Variants in CDC25C observed in about 807,000 individuals in gnomAD.
CDC25C encodes the protein cell division cycle 25C, also known as M-phase inducer phosphatase 3.
A neutral mutation model predicts 52.5 loss-of-function variants in CDC25C; 48 were observed. That is an observed-to-expected ratio of 0.91 (90% CI 0.72 to 1.16). The LOEUF is 1.16. CDC25C is among the 50% of genes most tolerant of loss of function. The pLI, the probability that CDC25C is intolerant of heterozygous loss-of-function variation, is 0.00. For synonymous variants in CDC25C, 187 were observed against 206.5 expected (o/e 0.91, Z 0.81); for missense variants, 510 against 566.1 (o/e 0.90, Z 1.01).
intron 7 of CDC25C, among the ~76,000 whole-genome samples, chr5:138,296,205 G>A (rs149488508): frequency 2.6e-5 from 4 of 152,062 alleles, no homozygotes; most frequent in South Asian, 4.2e-4. Flanking sequence ...GGCTTTAATG[G>A]CACCTCCTAC....
At chr5:138,329,493 CCT>C (rs1277718580) in intron 3 of CDC25C, 58 bp downstream of exon 3, 6 of 1,055,036 alleles carry the variant, frequency 5.7e-6, no homozygotes, top group Non-Finnish European at 8.9e-6. Context: ...ATCCTCCTTC[CCT>C]GTTTTCTCCC....
At chr5:138,316,901 C>T (rs943934810) in intron 7 of CDC25C, among the ~76,000 whole-genome samples, 4 of 152,118 alleles carry the variant, frequency 2.6e-5, no homozygotes, top group African/African-American at 9.7e-5. Flanking sequence ...AGCTTCTCTT[C>T]GTCTTGCTAA....
At chr5:138,316,667 A>C (rs1301882984) in intron 7 of CDC25C, among the ~76,000 whole-genome samples, 1 of 152,166 alleles carries the variant, frequency 6.6e-6, no homozygotes, top group Non-Finnish European at 1.5e-5. Context: ...GCTCAGCCAG[A>C]GCAGGGTAGA....
intron 3 of CDC25C, 156 bp from the exon 4 acceptor site, chr5:138,328,685 A>G: frequency 1.6e-6 from 1 of 612,540 alleles, no homozygotes; most frequent in East Asian, 2.8e-5. Flanking sequence ...TTCATGGTAC[A>G]AGGTACAATT....
At chr5:138,329,505 C>T in intron 3 of CDC25C, 48 bp downstream of exon 3, 1 of 1,190,288 alleles carries the variant, frequency 8.4e-7, no homozygotes, top group South Asian at 1.2e-5. Context: ...TGTTTTCTCC[C>T]TTAAAAGTTA....
intron 3 of CDC25C, 105 bp from the exon 4 acceptor site, chr5:138,328,634 G>T: frequency 1.1e-6 from 1 of 932,904 alleles, no homozygotes; most frequent in Non-Finnish European, 1.8e-6. Flanking sequence ...TAATTTCAAG[G>T]ACTGAGCTTT....
rs760839228 is a variant in CDC25C, at chr5:138,287,309, C to T, written c.928-42G>A. The T allele has an allele frequency of 2.2e-5, 30 of 1,394,970 alleles. 1 individual carries two copies. In the South Asian group the frequency reaches 3.4e-4, roughly 16 times the overall value. The allele number at this position is 1,394,970 out of a possible 1,614,324, so 86.4% of individuals were successfully genotyped here. On this transcript the variant is annotated intron_variant, in intron 10 of 13. Coordinates refer to ENST00000323760, the MANE Select transcript of CDC25C (RefSeq NM_001790.5). ...ACTGAATATTCTGCTCACTGCCACTCTGAGGGAGAGAAGGGTCAATGACAC... is the reference window on the plus strand; with the variant it reads ...ACTGAATATTCTGCTCACTGCCACTTTGAGGGAGAGAAGGGTCAATGACAC...
chr5:138,290,738 G>A lies in CDC25C; in HGVS notation c.765C>T (p.Gly255=). The A allele has an allele frequency of 4.4e-6, 7 of 1,586,746 alleles. No individual in the cohort carries two copies. The highest frequency in any genetic ancestry group is 6.1e-6 in the Non-Finnish European group (7 of 1,155,400). The part of the protein sequence containing the change: ...YFSGQGKLRK[G]LCLKKTVSLC... ...GAGAGACTGTCTTCTTTAAACATAA[G>A]CCCTGAAGATGACAAGATTCCCACC... The change falls in exon 9 of 14, where the codon GGC becomes GGT. Residue 255 remains glycine (G), a splice_region_variant and synonymous_variant. Coordinates refer to ENST00000323760, the MANE Select transcript of CDC25C (RefSeq NM_001790.5).
chr5:138,317,785 A>G (rs1759016710), intron 7 of CDC25C, among the ~76,000 whole-genome samples: 3 of 152,072 alleles, frequency 2.0e-5, no homozygotes, highest in Admixed American at 1.3e-4. Flanking sequence ...TATAACCCAC[A>G]TGCTTCAGGT....
At chr5:138,290,785 A>C (rs1756641721) in intron 8 of CDC25C, 45 bp from the exon 9 acceptor site, 1 of 1,214,848 alleles carries the variant, frequency 8.2e-7, no homozygotes, top group African/African-American at 1.5e-5. Context: ...CCTCATGTTA[A>C]AGGTTTAAAA....
chr5:138,289,121 C>G (rs984593905), intron 10 of CDC25C, among the ~76,000 whole-genome samples: 1 of 152,034 alleles, frequency 6.6e-6, no homozygotes, highest in Non-Finnish European at 1.5e-5. Flanking sequence ...CACATTACCA[C>G]GCCTGGTTAA....
rs1019689798 is a variant in CDC25C, at chr5:138,331,083, A to C, written c.98T>G (p.Leu33Arg). 1 of 1,614,206 alleles carries C rather than the reference A, an allele frequency of 6.2e-7. No individual in the cohort carries two copies. The highest frequency in any genetic ancestry group is 8.5e-7 in the Non-Finnish European group (1 of 1,180,002). The change falls in exon 2 of 14, where the codon CTG becomes CGG. Residue 33 changes from leucine to arginine, a missense_variant. By Grantham distance (102) the Leu-to-Arg change is moderately radical. Coordinates refer to ENST00000323760, the MANE Select transcript of CDC25C (RefSeq NM_001790.5). ...GACGGTAAAGGAAGTGTCTCTCTCC[A>C]GGAGCAGGTTTAACATTTTCCTTTG... The part of the protein sequence containing the change: ...SNQRKMLNLL[L>R]ERDTSFTVCP...
At chr5:138,326,113 C>T in intron 4 of CDC25C, 59 bp from the exon 5 acceptor site, 2 of 1,572,796 alleles carry the variant, frequency 1.3e-6, no homozygotes, top group Non-Finnish European at 8.8e-7. Context: ...GATTATTCTT[C>T]AGTGGATTGG....
At chr5:138,337,500 C>A in intron 1 of CDC25C, 1 of 158,182 alleles carries the variant, frequency 6.3e-6, no homozygotes. Flanking sequence ...GCAACTGAAC[C>A]GCCTATGATG....
chr5:138,329,630 C>T lies in CDC25C; in HGVS notation c.212G>A (p.Cys71Tyr). ...ACTGCTAAGATTCGAAAGATCGAGG[C>T]AACGTTTTGGGGTTCCTCTGTTGAG... ...SILSGGTPKR[C>Y]LDLSNLSSGE... Residue 71 changes from cysteine to tyrosine, a missense_variant, in exon 3 of 14, where the codon TGC (cysteine) becomes TAC (tyrosine). Transcript: ENST00000323760. The T allele has an allele frequency of 6.2e-7, 1 of 1,610,764 alleles. No homozygotes were observed. The highest frequency in any genetic ancestry group is 8.5e-7 in the Non-Finnish European group (1 of 1,177,638).
chr5:138,318,980 G>A (rs1337518898), intron 7 of CDC25C, among the ~76,000 whole-genome samples: 6 of 152,058 alleles, frequency 3.9e-5, no homozygotes, highest in Admixed American at 6.6e-5. Flanking sequence ...CAACCAACTG[G>A]GCTGTCTCTG....
chr5:138,285,628 T>C lies in CDC25C; in HGVS notation c.*64A>G. ...TGGGTTTGGCCATCCAGAAGGCCTC[T>C]TTCTGCTCAGGGTTTCTGCAGTGTC... On this transcript the variant is annotated 3_prime_UTR_variant, in exon 14 of 14. Coordinates refer to ENST00000323760, the MANE Select transcript of CDC25C (RefSeq NM_001790.5). 1.3e-6 allele frequency: 2 copies of C among 1,525,138 alleles called. No individual in the cohort carries two copies. The highest frequency in any genetic ancestry group is 2.3e-5 in the East Asian group (1 of 44,280). 94.5% of individuals were successfully genotyped at this position (1,525,138 alleles called of 1,614,324 possible). A position where few individuals can be genotyped will look rare whatever the true frequency, so the allele number is the denominator to read the frequency against.
chr5:138,286,216 G>T, intron 12 of CDC25C, 83 bp from the exon 13 acceptor site: 2 of 1,082,480 alleles, frequency 1.8e-6, no homozygotes, highest in Non-Finnish European at 1.4e-6. Context: ...AGGGGGGAGA[G>T]GAGTAGACTA....
chr5:138,322,531 A>G (rs546032767), intron 6 of CDC25C, among the ~76,000 whole-genome samples: 3 of 125,814 alleles, frequency 2.4e-5, no homozygotes, highest in African/African-American at 9.2e-5. Context: ...ACTGGAGTAC[A>G]GTGGCACGAT....
Sources: allele counts gnomAD v4.1 joint callset (sites outside exome capture counted in the v4.1 genomes callset), GRCh38; gene constraint gnomAD v4.1.1; transcripts MANE v1.5; gene names NCBI Gene and HGNC (gene_info 2026-07-23, HGNC 2026-07-21).